FUT8: variants seen among roughly 807,000 people sequenced by gnomAD.
FUT8 encodes fucosyltransferase 8.
Under a neutral mutation model 71.3 loss-of-function variants are expected in FUT8, and 29 were observed. That is an observed-to-expected ratio of 0.41 (90% CI 0.30 to 0.55). The LOEUF is 0.55. FUT8 is among the 20% of genes least tolerant of loss of function. FUT8 has a pLI of 0.34. For missense variants in FUT8, 544 were observed against 702.1 expected, an observed-to-expected ratio of 0.77 and a Z score of 2.55; for synonymous variants, 254 against 239.3, an observed-to-expected ratio of 1.06 and a Z score of -0.57.
At chr14:65,419,208 C>T (rs915106679) in intron 1 of FUT8, among the ~76,000 whole-genome samples, 3 of 151,928 alleles carry the variant, frequency 2.0e-5, no homozygotes, top group East Asian at 1.9e-4. Context: ...TGCAGTGAGC[C>T]GAGATCTTGC....
At chr14:65,535,444 C>G (rs1033802967) in intron 2 of FUT8, among the ~76,000 whole-genome samples, 1 of 152,134 alleles carries the variant, frequency 6.6e-6, no homozygotes, top group Non-Finnish European at 1.5e-5. Context: ...ATACATTTCT[C>G]CCATAACACT....
intron 1 of FUT8, among the ~76,000 whole-genome samples, chr14:65,414,810 A>G (rs1181522223): frequency 1.3e-5 from 2 of 152,198 alleles, no homozygotes; most frequent in Non-Finnish European, 2.9e-5. Context: ...AACAGATGCA[A>G]AAATGTATCT....
chr14:65,690,598 TTTA>T (rs1338149865), intron 7 of FUT8, among the ~76,000 whole-genome samples: 2 of 152,092 alleles, frequency 1.3e-5, no homozygotes, highest in African/African-American at 4.8e-5. Flanking sequence ...CATAATGTAT[TTTA>T]TTAGACTTTA....
chr14:65,393,459 A>G, the FUT8 span, among the ~76,000 whole-genome samples: 1 of 152,206 alleles, frequency 6.6e-6, no homozygotes, highest in African/African-American at 2.4e-5. Context: ...GCCTCATGCC[A>G]GCTAGATTCC....
the FUT8 span, among the ~76,000 whole-genome samples, chr14:65,373,466 G>A: frequency 1.3e-5 from 2 of 151,902 alleles, no homozygotes; most frequent in Non-Finnish European, 1.5e-5. Flanking sequence ...CAGTCAGAGA[G>A]GAGATAGGAT....
intron 2 of FUT8, among the ~76,000 whole-genome samples, chr14:65,526,222 C>G (rs1422903941): frequency 1.3e-5 from 2 of 152,140 alleles, no homozygotes; most frequent in Non-Finnish European, 2.9e-5. Flanking sequence ...TCTCTAAGGA[C>G]TTGCTTTATG....
chr14:65,406,323 A>G (rs2065088853), upstream of FUT8, among the ~76,000 whole-genome samples: 1 of 152,214 alleles, frequency 6.6e-6, no homozygotes, highest in Admixed American at 6.5e-5. Flanking sequence ...GAGCTCAGAG[A>G]GGTTAAGTAA....
At chr14:65,538,442 G>GT (rs1345334620) in intron 2 of FUT8, among the ~76,000 whole-genome samples, 27 of 152,260 alleles carry the variant, frequency 1.8e-4, no homozygotes, top group African/African-American at 6.0e-4. Context: ...TGCTAGAAGT[G>GT]TATCAGTCTC....
At chr14:65,543,941 A>G (rs1358968399) in intron 2 of FUT8, among the ~76,000 whole-genome samples, 1 of 152,148 alleles carries the variant, frequency 6.6e-6, no homozygotes, top group South Asian at 2.1e-4. Flanking sequence ...ATGAAAAGGG[A>G]TTTTTCACAG....
At chr14:65,425,398 C>T (rs1044788577) in intron 1 of FUT8, among the ~76,000 whole-genome samples, 2 of 149,774 alleles carry the variant, frequency 1.3e-5, no homozygotes, top group Non-Finnish European at 3.0e-5. Context: ...GAACTCACGA[C>T]CTTAGGTGAT....
intron 6 of FUT8, among the ~76,000 whole-genome samples, chr14:65,657,583 A>C (rs1261349577): frequency 6.6e-6 from 1 of 152,160 alleles, no homozygotes; most frequent in Non-Finnish European, 1.5e-5. Context: ...AGAAAGACAC[A>C]CTTGGCATGT....
chr14:65,584,613 A>G (rs1429009108), intron 3 of FUT8, among the ~76,000 whole-genome samples: 7 of 152,272 alleles, frequency 4.6e-5, no homozygotes, highest in Non-Finnish European at 1.0e-4. Flanking sequence ...ATAATAGATC[A>G]GGTGGTAACA....
chr14:65,501,948 A>C (rs2066651915), intron 2 of FUT8, among the ~76,000 whole-genome samples: 1 of 149,680 alleles, frequency 6.7e-6, no homozygotes, highest in South Asian at 2.1e-4. Context: ...TCTTGCTCTG[A>C]TGCCCAGGCT....
At chr14:65,449,975 G>T (rs2065797480) in intron 1 of FUT8, among the ~76,000 whole-genome samples, 1 of 152,134 alleles carries the variant, frequency 6.6e-6, no homozygotes, top group South Asian at 2.1e-4. Flanking sequence ...TCTTAAAAAT[G>T]ACCAATTTCA....
chr14:65,364,212 T>TC, the FUT8 span, among the ~76,000 whole-genome samples: 1 of 151,444 alleles, frequency 6.6e-6, no homozygotes, highest in Admixed American at 6.6e-5. Context: ...CATTTTTTTT[T>TC]GTTTTGTTTT....
intron 1 of FUT8, among the ~76,000 whole-genome samples, chr14:65,430,958 C>A (rs1180983001): frequency 3.3e-5 from 5 of 150,754 alleles, no homozygotes; most frequent in Admixed American, 3.3e-4. Flanking sequence ...TTTTCCACTT[C>A]CTATAGGGGC....
the FUT8 span, among the ~76,000 whole-genome samples, chr14:65,393,842 C>T: frequency 2.0e-5 from 3 of 152,136 alleles, no homozygotes; most frequent in African/African-American, 2.4e-5. Flanking sequence ...TTAATGGACT[C>T]ACAGTTCCAT....
chr14:65,400,314 CT>C, the FUT8 span, among the ~76,000 whole-genome samples: 1 of 152,084 alleles, frequency 6.6e-6, no homozygotes, highest in Non-Finnish European at 1.5e-5. Flanking sequence ...TGAAATTTGC[CT>C]TCTGCCATCC....
chr14:65,460,498 A>C (rs2065955004), intron 2 of FUT8, among the ~76,000 whole-genome samples: 1 of 152,152 alleles, frequency 6.6e-6, no homozygotes, highest in African/African-American at 2.4e-5. Context: ...ATTGGCCTTT[A>C]GGAATTAGAG....
Sources: allele counts gnomAD v4.1 joint callset (sites outside exome capture counted in the v4.1 genomes callset), GRCh38; gene constraint gnomAD v4.1.1; transcripts MANE v1.5; gene names NCBI Gene and HGNC (gene_info 2026-07-23, HGNC 2026-07-21).